CGNL1: variants seen among roughly 807,000 people sequenced by gnomAD.
The protein encoded by CGNL1 is cingulin-like protein 1.
A neutral mutation model predicts 141.2 loss-of-function variants in CGNL1; 132 were observed. That is an observed-to-expected ratio of 0.93 (90% CI 0.81 to 1.08). The LOEUF is 1.08. CGNL1 is among the 50% of genes least tolerant of loss of function. The pLI is 0.00. For missense variants in CGNL1, 1,870 were observed against 1,588.6 expected (o/e 1.18, Z -3.01); for synonymous variants, 690 against 622.1 (o/e 1.11, Z -1.63).
chr15:57,528,842 G>A (rs1461403729), intron 13 of CGNL1, 27 bp downstream of exon 13: 8 of 1,610,132 alleles, frequency 5.0e-6, no homozygotes, highest in African/African-American at 1.3e-5. Flanking sequence ...GTGTGAGCTG[G>A]GGGACCTGCA....
chr15:57,421,860 G>A (rs866792423), intron 1 of CGNL1, among the ~76,000 whole-genome samples: 12 of 152,166 alleles, frequency 7.9e-5, no homozygotes, highest in African/African-American at 2.7e-4. Context: ...GAATATGGAT[G>A]TGAGTGATTG....
rs1365763678 is a variant in CGNL1, at chr15:57,438,419, T to C, written c.420T>C (p.Ser140=). Residue 140 remains serine, a synonymous_variant, in exon 2 of 19, where the codon TCT becomes TCC. Coordinates refer to ENST00000281282, the MANE Select transcript of CGNL1 (RefSeq NM_032866.5). ...LDRKDGSVKP[S]HLLNFQRHPE... ...GCAAAGACGGGTCTGTGAAGCCATC[T>C]CACCTGCTGAACTTTCAGAGGCATC... 1 of 1,614,060 alleles carries C rather than the reference T, an allele frequency of 6.2e-7. No homozygotes were observed. Among genetic ancestry groups the C allele is most frequent in the Admixed American group, 1.7e-5 (1 of 60,006 alleles).
intron 8 of CGNL1, among the ~76,000 whole-genome samples, chr15:57,484,939 A>AT (rs1171288385): frequency 4.2e-5 from 6 of 141,296 alleles, no homozygotes; most frequent in Non-Finnish European, 9.3e-5. Context: ...TTTTTTTTCT[A>AT]TTTTTTTTAT....
intron 5 of CGNL1, 124 bp from the exon 6 acceptor site, chr15:57,452,017 T>C: frequency 1.3e-6 from 1 of 777,594 alleles, no homozygotes. Context: ...AATTATATAG[T>C]TTGATTAAGT....
chr15:57,413,206 T>TTTCTTC (rs1555431829), intron 1 of CGNL1, among the ~76,000 whole-genome samples: 1 of 128,250 alleles, frequency 7.8e-6, no homozygotes, highest in African/African-American at 3.1e-5. Context: ...TTTCTCTCTT[T>TTTCTTC]CTCTCTTCCT....
Position 57,438,740 on chromosome 15 carries a change from G to A in CGNL1, c.741G>A (p.Glu247=). 6.2e-7 allele frequency: 1 copy of A among 1,614,174 alleles called. No homozygotes were observed. The highest frequency in any genetic ancestry group is 8.5e-7 in the Non-Finnish European group (1 of 1,180,036). The change falls in exon 2 of 19, where the codon GAG becomes GAA. Residue 247 remains glutamate (E), a synonymous_variant. Coordinates refer to ENST00000281282, the MANE Select transcript of CGNL1 (RefSeq NM_032866.5). The stretch of plus-strand genomic sequence containing the variant: ...GCTGCACCAAGGAGAGGGTGGGAGA[G>A]GAGGCCCTTTTCACTAGCGGGAGGC... The part of the protein sequence containing the change: ...VQSCTKERVG[E]EALFTSGRPL...
At chr15:57,492,951 A>G (rs117324922) in intron 8 of CGNL1, among the ~76,000 whole-genome samples, 1,809 of 152,300 alleles carry the variant, frequency 0.012, 20 homozygotes, top group Non-Finnish European at 0.019. Flanking sequence ...TTTTATTTCC[A>G]GATTTTACTT....
At chr15:57,481,159 A>G (rs2063721731) in intron 8 of CGNL1, among the ~76,000 whole-genome samples, 1 of 150,160 alleles carries the variant, frequency 6.7e-6, no homozygotes, top group Non-Finnish European at 1.5e-5. Flanking sequence ...TTTATATGCA[A>G]TTGTAAAAAA....
At chr15:57,466,259 G>C (rs907108377) in intron 8 of CGNL1, among the ~76,000 whole-genome samples, 1 of 152,132 alleles carries the variant, frequency 6.6e-6, no homozygotes. Context: ...AAAAGGAAAT[G>C]TCTTCTTCTT....
chr15:57,546,752 G>T (rs1048042941), intron 18 of CGNL1, among the ~76,000 whole-genome samples: 5 of 152,082 alleles, frequency 3.3e-5, no homozygotes, highest in Non-Finnish European at 5.9e-5. Context: ...TCTGCTCTAG[G>T]GTCTCTCCCC....
intron 1 of CGNL1, chr15:57,397,140 A>T (rs1251573319): frequency 6.6e-6 from 1 of 152,210 alleles, no homozygotes; most frequent in Non-Finnish European, 1.5e-5. Flanking sequence ...GGGGATGAAA[A>T]TAGAGTCATG....
intron 8 of CGNL1, among the ~76,000 whole-genome samples, chr15:57,502,739 A>G (rs1306317353): frequency 1.3e-5 from 2 of 152,212 alleles, no homozygotes; most frequent in Non-Finnish European, 2.9e-5. Context: ...TAAACTCTTT[A>G]AAAATGGCAC....
At chr15:57,542,924 A>T (rs1352350899) in intron 14 of CGNL1, among the ~76,000 whole-genome samples, 1 of 152,210 alleles carries the variant, frequency 6.6e-6, no homozygotes, top group Non-Finnish European at 1.5e-5. Flanking sequence ...AGATACTGTT[A>T]GCTCCTTCTG....
intron 10 of CGNL1, among the ~76,000 whole-genome samples, chr15:57,521,098 GTC>G (rs1172077681): frequency 2.0e-5 from 3 of 152,146 alleles, no homozygotes; most frequent in African/African-American, 7.2e-5. Flanking sequence ...CGGAAATAGA[GTC>G]TCTGTAGCTA....
chr15:57,489,319 A>T (rs1254647115), intron 8 of CGNL1, among the ~76,000 whole-genome samples: 2 of 152,236 alleles, frequency 1.3e-5, no homozygotes, highest in Non-Finnish European at 2.9e-5. Context: ...AGCATACCTA[A>T]TTCCAATAAA....
intron 8 of CGNL1, among the ~76,000 whole-genome samples, chr15:57,500,265 G>A (rs575732415): frequency 2.0e-5 from 3 of 152,326 alleles, no homozygotes; most frequent in South Asian, 4.1e-4. Context: ...GACCCTTGCG[G>A]CCCGTGGGTT....
At chr15:57,484,882 A>T (rs1187841193) in intron 8 of CGNL1, among the ~76,000 whole-genome samples, 1 of 150,440 alleles carries the variant, frequency 6.6e-6, no homozygotes, top group African/African-American at 2.4e-5. Context: ...TGCAAAGGAT[A>T]TGAACTCATT....
At position 57,453,573 on chromosome 15, in the gene CGNL1, C is replaced by T. The variant is rs914392499; in HGVS notation, c.2055-110C>T. ...CAGTGCAGAACAGAGAATGGGGAGGCTCCTTGGGGCTTTAGAGACTTGTGT... is the reference window on the plus strand; with the variant it reads ...CAGTGCAGAACAGAGAATGGGGAGGTTCCTTGGGGCTTTAGAGACTTGTGT... On this transcript the variant is annotated intron_variant, in intron 6 of 18. Transcript: ENST00000281282. 28 of 1,384,632 alleles carry T rather than the reference C, an allele frequency of 2.0e-5. No homozygotes were observed. The African/African-American group carries it at 4.0e-4, about 20-fold the overall frequency. 85.8% of individuals were successfully genotyped at this position (1,384,632 alleles called of 1,614,324 possible). A position where few individuals can be genotyped will look rare whatever the true frequency, so the allele number is the denominator to read the frequency against.
rs2063171895 is a variant in CGNL1 at position 57,440,409 on chromosome 15, G to A, written c.1635G>A (p.Glu545=). The A allele has an allele frequency of 6.2e-7, 1 of 1,602,756 alleles. No homozygotes were observed. The highest frequency in any genetic ancestry group is 1.7e-5 in the Admixed American group (1 of 58,930). ...CGGATCTCTTAAAGGGCCAGCAAGA[G>A]CTCACTCAGCAAACCAATGAGGAGA... The part of the protein sequence containing the change: ...ATPDLLKGQQ[E]LTQQTNEETA... The change falls in exon 3 of 19, where the codon GAG becomes GAA. Residue 545 remains glutamate, a synonymous_variant. Transcript: ENST00000281282.
Sources: allele counts gnomAD v4.1 joint callset (sites outside exome capture counted in the v4.1 genomes callset), GRCh38; gene constraint gnomAD v4.1.1; transcripts MANE v1.5; gene names NCBI Gene and HGNC (gene_info 2026-07-23, HGNC 2026-07-21).